Variants in EYS observed in about 807,000 individuals in gnomAD.
The protein encoded by EYS is EGF-like photoreceptor maintenance factor.
Under a neutral mutation model 282.1 loss-of-function variants are expected in EYS, and 250 were observed. The observed-to-expected ratio is 0.89, with a 90% CI of 0.80 to 0.98. The LOEUF is 0.98. Ranked by LOEUF, EYS falls within the 50% of genes least tolerant of loss-of-function variation. The pLI is 0.00. For missense variants in EYS, 4,016 were observed against 3,709.0 expected (o/e 1.08, Z -2.15); for synonymous variants, 1,355 against 1,282.9 (o/e 1.06, Z -1.20).
chr6:63,870,417 A>G (rs1336959444), intron 35 of EYS, among the ~76,000 whole-genome samples: 1 of 152,188 alleles, frequency 6.6e-6, no homozygotes, highest in Non-Finnish European at 1.5e-5. Flanking sequence ...CTGTGGGTGG[A>G]AAATTTATTC....
At chr6:64,137,956 T>C (rs1774217375) in intron 31 of EYS, among the ~76,000 whole-genome samples, 1 of 151,980 alleles carries the variant, frequency 6.6e-6, no homozygotes, top group Non-Finnish European at 1.5e-5. Context: ...TGAAGCACAA[T>C]AAAGTGAGGC....
At chr6:64,337,558 G>A (rs1770902243) in intron 29 of EYS, among the ~76,000 whole-genome samples, 1 of 151,962 alleles carries the variant, frequency 6.6e-6, no homozygotes, top group Non-Finnish European at 1.5e-5. Context: ...ATTCAAAGAA[G>A]CATTGGTAAC....
chr6:63,973,326 A>G (rs1766677873), intron 35 of EYS, among the ~76,000 whole-genome samples: 1 of 151,974 alleles, frequency 6.6e-6, no homozygotes, highest in African/African-American at 2.4e-5. Flanking sequence ...GCTTTTTTTC[A>G]TATGTTTGTT....
At chr6:64,323,436 G>T (rs531079979) in intron 29 of EYS, among the ~76,000 whole-genome samples, 39 of 152,032 alleles carry the variant, frequency 2.6e-4, no homozygotes, top group Admixed American at 6.6e-4. Context: ...TCGCCTTTGG[G>T]TTGTTTCCAT....
At chr6:64,645,626 A>G (rs564143136) in intron 22 of EYS, among the ~76,000 whole-genome samples, 1 of 152,226 alleles carries the variant, frequency 6.6e-6, no homozygotes, top group Admixed American at 6.5e-5. Flanking sequence ...AAGCTTTTTC[A>G]TCTGTAATAT....
chr6:65,263,260 G>A (rs1450808879), intron 12 of EYS, among the ~76,000 whole-genome samples: 1 of 152,044 alleles, frequency 6.6e-6, no homozygotes, highest in African/African-American at 2.4e-5. Context: ...ATGATCACCT[G>A]AGCCCAGGAG....
At chr6:64,555,351 T>C (rs1765204594) in intron 26 of EYS, among the ~76,000 whole-genome samples, 1 of 151,552 alleles carries the variant, frequency 6.6e-6, no homozygotes, top group Admixed American at 6.6e-5. Context: ...AGGGAATTAA[T>C]GGGGGGGTAG....
At chr6:65,198,383 G>A (rs956670829) in intron 12 of EYS, among the ~76,000 whole-genome samples, 2 of 152,094 alleles carry the variant, frequency 1.3e-5, no homozygotes, top group South Asian at 2.1e-4. Context: ...ACAATAAAAT[G>A]TATAGTATAC....
intron 35 of EYS, among the ~76,000 whole-genome samples, chr6:63,907,172 T>C (rs78971012): frequency 0.023 from 3,558 of 152,280 alleles, 139 homozygotes; most frequent in African/African-American, 0.081. Context: ...CCTTGTTACC[T>C]TTTCTTTCAG....
intron 31 of EYS, among the ~76,000 whole-genome samples, chr6:64,229,471 T>C (rs1582456489): frequency 6.6e-6 from 1 of 152,148 alleles, no homozygotes; most frequent in East Asian, 1.9e-4. Flanking sequence ...GCAAACATCA[T>C]GATATTTTGC....
chr6:64,256,620 C>T lies in EYS; in HGVS notation c.6192-25796G>A, dbSNP rs142153297. On this transcript the variant is annotated intron_variant, in intron 30 of 42. Coordinates refer to ENST00000503581, the MANE Select transcript of EYS (RefSeq NM_001142800.2). ...CTTAATCATACTGAGAAGTTGTTGA[C>T]GTTCATCTGTCCTGTGGCAAAGTTA... 1.0e-3 allele frequency among the ~76,000 whole-genome samples: 159 copies of T among 152,124 alleles called. No individual in the cohort carries two copies. The Middle Eastern group carries it at 0.02, about 20-fold the overall frequency.
chr6:64,033,671 T>C (rs983918841), intron 33 of EYS, among the ~76,000 whole-genome samples: 20 of 124,736 alleles, frequency 1.6e-4, no homozygotes, highest in African/African-American at 7.5e-4. Flanking sequence ...TTAATTATAT[T>C]CAGATCAGAT....
intron 26 of EYS, among the ~76,000 whole-genome samples, chr6:64,580,784 T>G (rs979682486): frequency 3.3e-5 from 5 of 152,100 alleles, no homozygotes; most frequent in Non-Finnish European, 7.4e-5. Context: ...GAGAACTGCA[T>G]TATTTCAAGA....
intron 5 of EYS, among the ~76,000 whole-genome samples, chr6:65,477,696 T>C (rs1765461391): frequency 6.6e-6 from 1 of 152,152 alleles, no homozygotes; most frequent in Non-Finnish European, 1.5e-5. Flanking sequence ...TCAGTTAGTA[T>C]AAAAATTGAA....
intron 26 of EYS, among the ~76,000 whole-genome samples, chr6:64,474,579 C>T (rs1776208945): frequency 6.6e-6 from 1 of 152,156 alleles, no homozygotes; most frequent in Admixed American, 6.5e-5. Context: ...TAACTTTTCA[C>T]TTCCTGCTAT....
intron 31 of EYS, among the ~76,000 whole-genome samples, chr6:64,120,183 TA>T (rs879344072): frequency 1.2e-3 from 166 of 136,314 alleles, no homozygotes; most frequent in Middle Eastern, 3.7e-3. Context: ...CTGTCTCTAC[TA>T]AAAAAAAAAA....
chr6:64,077,775 T>G (rs987350050), intron 32 of EYS, among the ~76,000 whole-genome samples: 1 of 152,040 alleles, frequency 6.6e-6, no homozygotes, highest in Non-Finnish European at 1.5e-5. Flanking sequence ...GCTTGTGTAA[T>G]AGAGCTCATT....
chr6:64,105,389 C>A (rs1022347415), intron 31 of EYS, among the ~76,000 whole-genome samples: 3 of 152,030 alleles, frequency 2.0e-5, no homozygotes, highest in Non-Finnish European at 4.4e-5. Context: ...ACATGTACAA[C>A]CTTCTCCACT....
intron 22 of EYS, among the ~76,000 whole-genome samples, chr6:64,671,498 A>C (rs1454864501): frequency 6.6e-6 from 1 of 152,084 alleles, no homozygotes; most frequent in Non-Finnish European, 1.5e-5. Flanking sequence ...CCGCCCATGT[A>C]TTATATTTTT....
Sources: gnomAD v4.1 joint callset for allele counts (sites outside exome capture counted in the v4.1 genomes callset) on GRCh38, gnomAD v4.1.1 for gene constraint, MANE v1.5 for transcripts, NCBI Gene and HGNC (gene_info 2026-07-23, HGNC 2026-07-21) for gene names.